RBFOX1: variants seen among roughly 807,000 people sequenced by gnomAD.
RBFOX1 encodes RNA binding fox-1 homolog 1, also known as RNA binding protein fox-1 homolog 1.
In RBFOX1, 8 loss-of-function variants were observed where a neutral mutation model predicts 57.7. That is an observed-to-expected ratio of 0.14 (90% CI 0.08 to 0.25). The LOEUF (loss-of-function observed/expected upper bound fraction) is 0.25, where lower values mean the gene tolerates loss of function less well. Ranked by LOEUF, RBFOX1 falls within the 10% of genes least tolerant of loss-of-function variation. The pLI is 1.00. For synonymous variants in RBFOX1, 326 were observed against 222.4 expected (o/e 1.47, Z -4.15); for missense variants, 611 against 548.5 (o/e 1.11, Z -1.14).
At chr16:5,520,323 T>C (rs2151742852) in intron 2 of RBFOX1, among the ~76,000 whole-genome samples, 1 of 152,356 alleles carries the variant, frequency 6.6e-6, no homozygotes, top group Middle Eastern at 3.4e-3. Context: ...TTGAAATGGC[T>C]TGAAGTCCAG....
intron 2 of RBFOX1, among the ~76,000 whole-genome samples, chr16:6,355,872 T>TATA (rs2087222722): frequency 6.6e-6 from 1 of 152,204 alleles, no homozygotes; most frequent in Non-Finnish European, 1.5e-5. Context: ...TACAAAATGA[T>TATA]CAGGAGCAAC....
chr16:7,528,121 T>A (rs1409045427), intron 5 of RBFOX1, among the ~76,000 whole-genome samples: 1 of 152,184 alleles, frequency 6.6e-6, no homozygotes, highest in African/African-American at 2.4e-5. Context: ...CCCAAGGACA[T>A]CTTGCTTTTG....
chr16:6,500,977 T>G (rs1484604819), intron 2 of RBFOX1, among the ~76,000 whole-genome samples: 2 of 150,950 alleles, frequency 1.3e-5, no homozygotes, highest in Non-Finnish European at 2.9e-5. Flanking sequence ...TGTCTTTTCT[T>G]CCTATCCTTC....
At chr16:7,495,630 G>A (rs1379578029) in intron 4 of RBFOX1, among the ~76,000 whole-genome samples, 1 of 152,156 alleles carries the variant, frequency 6.6e-6, no homozygotes, top group African/African-American at 2.4e-5. Context: ...TTTGAGAAAT[G>A]TCTGTTTGTG....
At chr16:5,889,758 G>C (rs942632035) in intron 4 of RBFOX1, among the ~76,000 whole-genome samples, 8 of 152,204 alleles carry the variant, frequency 5.3e-5, no homozygotes, top group African/African-American at 1.7e-4. Flanking sequence ...AGGCCTCTTT[G>C]AGGAACTAAT....
At chr16:7,401,608 C>T (rs1206748723) in intron 4 of RBFOX1, among the ~76,000 whole-genome samples, 3 of 152,164 alleles carry the variant, frequency 2.0e-5, no homozygotes, top group Non-Finnish European at 2.9e-5. Context: ...GTGATTCTGG[C>T]AATAGGTAAA....
chr16:5,254,326 C>A (rs779931874), intron 1 of RBFOX1, among the ~76,000 whole-genome samples: 19 of 152,164 alleles, frequency 1.2e-4, no homozygotes, highest in Admixed American at 8.5e-4. Flanking sequence ...AACTTTAGGA[C>A]AGGTGTACCC....
intron 3 of RBFOX1, among the ~76,000 whole-genome samples, chr16:5,621,557 G>A (rs981177965): frequency 1.3e-5 from 2 of 152,158 alleles, no homozygotes; most frequent in African/African-American, 4.8e-5. Context: ...TTACATAGAA[G>A]GTGGGATGTA....
chr16:5,849,704 C>G (rs2056845026), intron 3 of RBFOX1, among the ~76,000 whole-genome samples: 2 of 152,290 alleles, frequency 1.3e-5, no homozygotes, highest in East Asian at 1.9e-4. Flanking sequence ...AGTATTTGTT[C>G]TGATAATTAT....
chr16:6,998,338 A>G (rs947892067), intron 3 of RBFOX1, among the ~76,000 whole-genome samples: 1 of 152,194 alleles, frequency 6.6e-6, no homozygotes, highest in Non-Finnish European at 1.5e-5. Flanking sequence ...ATTGTGTTCA[A>G]GTGTTTACAC....
chr16:5,889,352 G>A (rs893180124), intron 4 of RBFOX1, among the ~76,000 whole-genome samples: 6 of 152,140 alleles, frequency 3.9e-5, no homozygotes, highest in African/African-American at 1.4e-4. Context: ...TTAGTTGGCT[G>A]AGGATAATGG....
chr16:6,363,541 C>T (rs146327015), intron 2 of RBFOX1, among the ~76,000 whole-genome samples: 18 of 152,240 alleles, frequency 1.2e-4, no homozygotes, highest in Admixed American at 2.6e-4. Flanking sequence ...GCACTTCTGC[C>T]GGTTTAAATA....
intron 3 of RBFOX1, among the ~76,000 whole-genome samples, chr16:6,734,714 A>G (rs76381011): frequency 6.6e-5 from 10 of 152,162 alleles, no homozygotes; most frequent in Non-Finnish European, 1.0e-4. Context: ...GCAGCACTAG[A>G]CTTCAGTTCC....
intron 4 of RBFOX1, among the ~76,000 whole-genome samples, chr16:7,306,068 T>A (rs912263697): frequency 6.6e-5 from 10 of 152,246 alleles, no homozygotes; most frequent in African/African-American, 1.9e-4. Context: ...TACATTTACT[T>A]CTTTCATGTT....
In RBFOX1 at chr16:7,712,760, A is replaced by T. The variant is rs1328430220; in HGVS notation, c.*2015A>T. The T allele has an allele frequency of 1.3e-5, 2 of 152,202 alleles. No homozygotes were observed. Among genetic ancestry groups the T allele is most frequent in the Admixed American group, 1.3e-4 (2 of 15,280 alleles). The allele number at this position is 152,202 out of a possible 1,614,324, so 9.4% of individuals were successfully genotyped here. The stretch of plus-strand genomic sequence containing the variant: ...GGAAACGAATTATTAAAACACTATG[A>T]CATCCTCCAGAGGGAAGAAAGAGTA... On this transcript the variant is annotated 3_prime_UTR_variant, in exon 16 of 16. Transcript: ENST00000550418.
intron 4 of RBFOX1, among the ~76,000 whole-genome samples, chr16:7,137,996 G>C (rs1043176608): frequency 1.3e-5 from 2 of 152,170 alleles, no homozygotes; most frequent in African/African-American, 4.8e-5. Flanking sequence ...TGCACGTAGA[G>C]AGAGGTTAGG....
At chr16:5,504,215 C>T (rs1215872980) in intron 2 of RBFOX1, among the ~76,000 whole-genome samples, 3 of 152,206 alleles carry the variant, frequency 2.0e-5, no homozygotes, top group African/African-American at 7.2e-5. Context: ...TGGAGCATGT[C>T]ACCTGATTAT....
At chr16:6,022,531 A>G (rs1302158142) in intron 1 of RBFOX1, among the ~76,000 whole-genome samples, 1 of 151,986 alleles carries the variant, frequency 6.6e-6, no homozygotes, top group Non-Finnish European at 1.5e-5. Context: ...AAATACAAAC[A>G]ATTAGATGGG....
At chr16:7,013,178 A>G (rs915703267) in intron 3 of RBFOX1, among the ~76,000 whole-genome samples, 2 of 152,174 alleles carry the variant, frequency 1.3e-5, no homozygotes, top group South Asian at 2.1e-4. Flanking sequence ...TCTGATACTC[A>G]TTGGCTTTGT....
Sources: allele counts gnomAD v4.1 joint callset (sites outside exome capture counted in the v4.1 genomes callset), GRCh38; gene constraint gnomAD v4.1.1; transcripts MANE v1.5; gene names NCBI Gene and HGNC (gene_info 2026-07-23, HGNC 2026-07-21).